Variants in RASGRF2 observed in about 807,000 individuals in gnomAD.
The protein encoded by RASGRF2 is ras-specific guanine nucleotide-releasing factor 2.
A neutral mutation model predicts 151.0 loss-of-function variants in RASGRF2; 76 were observed. That is an observed-to-expected ratio of 0.50 (90% CI 0.42 to 0.61). RASGRF2 has a LOEUF of 0.61. Among genes scored for constraint, RASGRF2 ranks in the 20% least tolerant of loss-of-function variants. The probability of loss-of-function intolerance (pLI) is 0.00; values close to 1 mark genes in which losing one functional copy is unlikely to be tolerated. For synonymous variants in RASGRF2, 504 were observed against 566.5 expected (o/e 0.89, Z 1.57); for missense variants, 1,148 against 1,564.6 (o/e 0.73, Z 4.49).
rs1352917279 is a variant in RASGRF2 at position 81,152,754 on chromosome 5, C to G, written c.2686+25591C>G. Among the ~76,000 whole-genome samples, 3 of 152,180 alleles carry G rather than the reference C, an allele frequency of 2.0e-5. No individual in the cohort carries two copies. The East Asian group carries it at 5.8e-4, about 29-fold the overall frequency. ...ATACCAAAATAGAAAAGCTTTTATT[C>G]AGGAGAAAGTACTGAACCTAGCTAG... On this transcript the variant is annotated intron_variant, in intron 17 of 26. Transcript: ENST00000265080.
chr5:81,108,956 C>A, intron 12 of RASGRF2, 40 bp from the exon 13 acceptor site: 1 of 1,581,188 alleles, frequency 6.3e-7, no homozygotes, highest in Admixed American at 1.7e-5. Context: ...TCTGCCTAGG[C>A]TTTCATGTGG....
intron 17 of RASGRF2, among the ~76,000 whole-genome samples, chr5:81,132,401 T>G (rs1210742829): frequency 6.6e-6 from 1 of 152,252 alleles, no homozygotes; most frequent in East Asian, 1.9e-4. Flanking sequence ...TAAAAGAGTT[T>G]TGTCTTATTT....
intron 17 of RASGRF2, among the ~76,000 whole-genome samples, chr5:81,169,604 T>C (rs1754597148): frequency 6.6e-6 from 1 of 152,230 alleles, no homozygotes; most frequent in Non-Finnish European, 1.5e-5. Context: ...CACTTTGACA[T>C]CTTAACTTGG....
chr5:81,041,824 CG>C (rs1750686791), intron 1 of RASGRF2, among the ~76,000 whole-genome samples: 1 of 152,172 alleles, frequency 6.6e-6, no homozygotes, highest in African/African-American at 2.4e-5. Context: ...TTTATCACTG[CG>C]TAAGCTCCCT....
At chr5:80,970,635 A>G (rs1376225288) in intron 1 of RASGRF2, among the ~76,000 whole-genome samples, 2 of 152,132 alleles carry the variant, frequency 1.3e-5, no homozygotes, top group South Asian at 2.1e-4. Context: ...TCACTGCAGC[A>G]TCTCTCATAT....
At chr5:81,023,551 G>A (rs913859549) in intron 1 of RASGRF2, among the ~76,000 whole-genome samples, 1 of 148,894 alleles carries the variant, frequency 6.7e-6, no homozygotes, top group African/African-American at 2.5e-5. Flanking sequence ...GCAGGCACAT[G>A]CAGAGGCAGT....
At chr5:81,055,052 TAC>T (rs1277621921) in intron 2 of RASGRF2, among the ~76,000 whole-genome samples, 28 of 152,358 alleles carry the variant, frequency 1.8e-4, no homozygotes, top group Non-Finnish European at 3.5e-4. Context: ...TTTCTAAATA[TAC>T]AGTCATATCA....
chr5:80,964,549 T>C (rs1256303278), intron 1 of RASGRF2, among the ~76,000 whole-genome samples: 1 of 152,104 alleles, frequency 6.6e-6, no homozygotes, highest in Non-Finnish European at 1.5e-5. Flanking sequence ...GGGGAGATGA[T>C]CAAAGTCCAG....
At chr5:81,110,892 G>C (rs1248707493) in intron 13 of RASGRF2, among the ~76,000 whole-genome samples, 1 of 152,158 alleles carries the variant, frequency 6.6e-6, no homozygotes, top group African/African-American at 2.4e-5. Flanking sequence ...ATGCACTTGG[G>C]CATTTCAAGA....
At chr5:81,184,161 A>G (rs1423737935) in intron 18 of RASGRF2, among the ~76,000 whole-genome samples, 1 of 152,218 alleles carries the variant, frequency 6.6e-6, no homozygotes, top group African/African-American at 2.4e-5. Context: ...AGAGACTATG[A>G]TCACTAATGG....
intron 26 of RASGRF2, among the ~76,000 whole-genome samples, chr5:81,224,424 C>T (rs1301777573): frequency 6.6e-6 from 1 of 152,132 alleles, no homozygotes; most frequent in African/African-American, 2.4e-5. Context: ...GAACTCTTAC[C>T]ATTGTTGGTG....
chr5:81,131,427 T>A (rs1334103427), intron 17 of RASGRF2, among the ~76,000 whole-genome samples: 3 of 152,118 alleles, frequency 2.0e-5, no homozygotes, highest in African/African-American at 7.2e-5. Flanking sequence ...TGATCTTGGC[T>A]CACTGAAACC....
chr5:81,000,152 A>G (rs1027200378), intron 1 of RASGRF2, among the ~76,000 whole-genome samples: 7 of 152,192 alleles, frequency 4.6e-5, no homozygotes, highest in Admixed American at 3.3e-4. Context: ...TGAAGGAAGG[A>G]CTTGCATATG....
intron 2 of RASGRF2, among the ~76,000 whole-genome samples, chr5:81,058,002 A>G (rs563129726): frequency 1.6e-3 from 236 of 151,588 alleles, no homozygotes; most frequent in Non-Finnish European, 1.7e-3. Flanking sequence ...CCTCAAAAAT[A>G]ATTAATTAAT....
chr5:80,994,290 T>C (rs1411735599), intron 1 of RASGRF2, among the ~76,000 whole-genome samples: 4 of 139,344 alleles, frequency 2.9e-5, no homozygotes, highest in Admixed American at 7.8e-5. Context: ...GGCGTGAACC[T>C]GGGGGGCCGA....
At chr5:81,064,932 C>T (rs72635624) in intron 2 of RASGRF2, among the ~76,000 whole-genome samples, 3 of 151,946 alleles carry the variant, frequency 2.0e-5, no homozygotes, top group Non-Finnish European at 4.4e-5. Context: ...TAAAAAGGGT[C>T]GTTAGTGGAC....
intron 2 of RASGRF2, among the ~76,000 whole-genome samples, chr5:81,050,514 G>A (rs536752196): frequency 1.5e-4 from 23 of 152,148 alleles, no homozygotes; most frequent in East Asian, 1.2e-3. Context: ...CAGTCCAAGC[G>A]AGGCCCCTCT....
chr5:80,965,491 C>T (rs527809198), intron 1 of RASGRF2, among the ~76,000 whole-genome samples: 1 of 152,156 alleles, frequency 6.6e-6, no homozygotes, highest in African/African-American at 2.4e-5. Context: ...ATTTTGGCTA[C>T]ACTAAGCCTT....
At chr5:81,149,318 G>A (rs1174770150) in intron 17 of RASGRF2, among the ~76,000 whole-genome samples, 2 of 152,174 alleles carry the variant, frequency 1.3e-5, no homozygotes, top group Non-Finnish European at 2.9e-5. Context: ...GACAAAAGTG[G>A]CCTTTGCAGT....
Sources: allele counts gnomAD v4.1 joint callset (sites outside exome capture counted in the v4.1 genomes callset), GRCh38; gene constraint gnomAD v4.1.1; transcripts MANE v1.5; gene names NCBI Gene and HGNC (gene_info 2026-07-23, HGNC 2026-07-21).